DPYSL2: variants seen among roughly 807,000 people sequenced by gnomAD.
DPYSL2 encodes the protein dihydropyrimidinase-related protein 2.
DPYSL2 carries 13 observed loss-of-function variants against 69.9 expected under a neutral mutation model. The ratio of observed to expected loss-of-function variants is 0.19; its 90% CI spans 0.12 to 0.30. The LOEUF (loss-of-function observed/expected upper bound fraction) is 0.30. Ranked by LOEUF, DPYSL2 falls within the 10% of genes least tolerant of loss-of-function variation. DPYSL2 has a pLI of 1.00. For missense variants in DPYSL2, 587 were observed against 918.9 expected (o/e 0.64, Z 4.67); for synonymous variants, 326 against 359.1 (o/e 0.91, Z 1.04).
At chr8:26,521,870 A>G (rs1001616673) in intron 1 of DPYSL2, among the ~76,000 whole-genome samples, 5 of 152,136 alleles carry the variant, frequency 3.3e-5, no homozygotes, top group Non-Finnish European at 5.9e-5. Flanking sequence ...CTTCCTTTTT[A>G]GGGCCAAATA....
rs2129781265 is a variant in DPYSL2, at chr8:26,593,154, CAG to C, written c.628+9176_628+9177del. Among the ~76,000 whole-genome samples, 1 of 152,130 alleles carries C rather than the reference CAG, an allele frequency of 6.6e-6. No homozygotes were observed. The highest frequency in any genetic ancestry group is 1.9e-4 in the East Asian group (1 of 5,184). ...TATGACTAAGTGTTCCCCCTAATGACAGAGAGGATGTTGCTGGGGGTTGGGTC... is the reference window on the plus strand; with the variant it reads ...TATGACTAAGTGTTCCCCCTAATGACAGAGGATGTTGCTGGGGGTTGGGTC... On this transcript the variant is annotated intron_variant, in intron 3 of 13. Coordinates refer to ENST00000521913, the MANE Select transcript of DPYSL2 (RefSeq NM_001197293.3). The surrounding 1 kb of genome is among the most constrained non-coding windows in gnomAD (Gnocchi z 5.7).
intron 1 of DPYSL2, among the ~76,000 whole-genome samples, chr8:26,558,305 T>C (rs1801021740): frequency 6.6e-6 from 1 of 152,144 alleles, no homozygotes; most frequent in East Asian, 1.9e-4. Flanking sequence ...TGAAGGAACC[T>C]TAAGTATTTA....
In DPYSL2 at chr8:26,580,463, T is replaced by C. The variant is rs1801467551; in HGVS notation, c.355-1506T>C. ...CCTTATACAGGTGCAGGAATTATTG[T>C]TGGCTATTCTCCTTTGACTTTCCAA... On this transcript the variant is annotated intron_variant, in intron 1 of 13. Coordinates refer to ENST00000521913, the MANE Select transcript of DPYSL2 (RefSeq NM_001197293.3). This position sits in a 1 kb window ranked among gnomAD's most constrained non-coding sequence, Gnocchi z 4.1. Among the ~76,000 whole-genome samples, 1 of 152,234 alleles carries C rather than the reference T, an allele frequency of 6.6e-6. No homozygotes were observed. The highest frequency in any genetic ancestry group is 2.1e-4 in the South Asian group (1 of 4,830).
intron 1 of DPYSL2, among the ~76,000 whole-genome samples, chr8:26,522,308 AAAAC>A (rs60448291): frequency 0.46 from 68,836 of 151,204 alleles, 18,158 homozygotes; most frequent in East Asian, 0.67. Context: ...ACTCTGTCTC[AAAAC>A]AAACAAACAA....
At chr8:26,535,639 T>A (rs531296881) in intron 1 of DPYSL2, among the ~76,000 whole-genome samples, 10,308 of 149,872 alleles carry the variant, frequency 0.069, 476 homozygotes, top group Middle Eastern at 0.13. Context: ...ATATATATTT[T>A]TTTTTTCAGT....
intron 1 of DPYSL2, among the ~76,000 whole-genome samples, chr8:26,556,990 A>C (rs1387865672): frequency 6.6e-6 from 1 of 152,178 alleles, no homozygotes. Context: ...AGCCTTTTCA[A>C]CAAATGATGC....
chr8:26,655,847 G>A lies in DPYSL2; in HGVS notation c.*141G>A. The A allele has an allele frequency of 2.4e-6, 2 of 842,616 alleles. No homozygotes were observed. Among genetic ancestry groups the A allele is most frequent in the Non-Finnish European group, 1.7e-6 (1 of 594,166 alleles). 52.2% of individuals were successfully genotyped at this position (842,616 alleles called of 1,614,324 possible). On this transcript the variant is annotated 3_prime_UTR_variant, in exon 14 of 14. Transcript: ENST00000521913. ...AGTTACTGTGGAGCAGCCAGTTCAT[G>A]GGGTCCCCCTTGGGGCCCCACACCC...
chr8:26,526,443 GT>G, intron 1 of DPYSL2, among the ~76,000 whole-genome samples: 1 of 152,240 alleles, frequency 6.6e-6, no homozygotes, highest in East Asian at 1.9e-4. Flanking sequence ...CTCACTCTTG[GT>G]TCTAATAGTT....
chr8:26,636,297 G>C (rs368096126), intron 8 of DPYSL2, among the ~76,000 whole-genome samples: 1 of 152,226 alleles, frequency 6.6e-6, no homozygotes, highest in Non-Finnish European at 1.5e-5. Context: ...AGAAGGCAGC[G>C]CATTTGTGGG....
At position 26,597,173 on chromosome 8, in the gene DPYSL2, C is replaced by G. The variant is rs1345463019; in HGVS notation, c.628+13190C>G. Among the ~76,000 whole-genome samples the G allele has an allele frequency of 3.9e-5, 6 of 152,118 alleles. No individual in the cohort carries two copies. Among genetic ancestry groups the G allele is most frequent in the African/African-American group, 1.2e-4 (5 of 41,410 alleles). ...TCCTACAGAAGCCCTGGGTTGATGC[C>G]CTAGATCTCCCCTTGCATCCCAGAG... On this transcript the variant is annotated intron_variant, in intron 3 of 13. Transcript: ENST00000521913. This position sits in a 1 kb window ranked among gnomAD's most constrained non-coding sequence, Gnocchi z 5.2.
In DPYSL2 at chr8:26,648,477, G is replaced by A. The variant is rs1023388389; in HGVS notation, c.1596+677G>A. On this transcript the variant is annotated intron_variant, in intron 11 of 13. Coordinates refer to ENST00000521913, the MANE Select transcript of DPYSL2 (RefSeq NM_001197293.3). The surrounding 1 kb of genome is among the most constrained non-coding windows in gnomAD (Gnocchi z 4.3). Reference sequence around the variant, plus strand: ...TCAGCTGAGAGTGAGGGGTTCAGACGAGGTCTCCAAGTGTCCTGTGATTCT... The same window carrying A: ...TCAGCTGAGAGTGAGGGGTTCAGACAAGGTCTCCAAGTGTCCTGTGATTCT... 1.3e-5 allele frequency among the ~76,000 whole-genome samples: 2 copies of A among 152,172 alleles called. No individual in the cohort carries two copies. The highest frequency in any genetic ancestry group is 6.5e-5 in the Admixed American group (1 of 15,282).
chr8:26,575,623 T>C (rs1005714186), intron 1 of DPYSL2, among the ~76,000 whole-genome samples: 3 of 152,200 alleles, frequency 2.0e-5, no homozygotes, highest in Admixed American at 1.3e-4. Flanking sequence ...AAGAACCTCA[T>C]AGCAATGGCT....
chr8:26,608,076 C>CAAA (rs11355802), intron 3 of DPYSL2, among the ~76,000 whole-genome samples: 8 of 73,962 alleles, frequency 1.1e-4, no homozygotes, highest in African/African-American at 2.1e-4. Context: ...GACTCCATCT[C>CAAA]AAAAAAAAAA....
In DPYSL2 at chr8:26,538,767, G is replaced by A. The variant is rs561309582; in HGVS notation, c.354+24088G>A. 3.3e-5 allele frequency among the ~76,000 whole-genome samples: 5 copies of A among 152,232 alleles called. No homozygotes were observed. In the South Asian group the frequency reaches 1.0e-3, roughly 32 times the overall value. ...TGCATGTTCCATGCCTCAGACACCAGCACAGTCACTGCAGTGAGTGTATTT... is the reference window on the plus strand; with the variant it reads ...TGCATGTTCCATGCCTCAGACACCAACACAGTCACTGCAGTGAGTGTATTT... On this transcript the variant is annotated intron_variant, in intron 1 of 13. Transcript: ENST00000521913.
At chr8:26,595,788 G>A (rs987760858) in intron 3 of DPYSL2, among the ~76,000 whole-genome samples, 2 of 152,244 alleles carry the variant, frequency 1.3e-5, no homozygotes, top group Non-Finnish European at 2.9e-5. Flanking sequence ...CTCTCCAGCC[G>A]GGTGTGGCTG....
rs188976522 is a variant in DPYSL2, at chr8:26,562,882, T to A, written c.355-19087T>A. Among the ~76,000 whole-genome samples, 2 of 152,284 alleles carry A rather than the reference T, an allele frequency of 1.3e-5. No individual in the cohort carries two copies. Among genetic ancestry groups the A allele is most frequent in the East Asian group, 3.9e-4 (2 of 5,176 alleles). ...AGTCCTCCAGAATCTTTCTCACTCA[T>A]ACGTCTGTCACCTTGGCACCATGGC... On this transcript the variant is annotated intron_variant, in intron 1 of 13. Coordinates refer to ENST00000521913, the MANE Select transcript of DPYSL2 (RefSeq NM_001197293.3). This position sits in a 1 kb window ranked among gnomAD's most constrained non-coding sequence, Gnocchi z 4.9.
At chr8:26,521,834 T>C (rs1159164445) in intron 1 of DPYSL2, among the ~76,000 whole-genome samples, 1 of 152,254 alleles carries the variant, frequency 6.6e-6, no homozygotes, top group Non-Finnish European at 1.5e-5. Context: ...AAGGTTCATC[T>C]ATGTTGTAAC....
At chr8:26,637,729 T>TCCA (rs1802952280) in intron 8 of DPYSL2, 1 of 152,208 alleles carries the variant, frequency 6.6e-6, no homozygotes, top group African/African-American at 2.4e-5. Flanking sequence ...AAACCCCAGC[T>TCCA]CCACTGTACA....
At chr8:26,590,679 G>A (rs1445604986) in intron 3 of DPYSL2, among the ~76,000 whole-genome samples, 4 of 151,874 alleles carry the variant, frequency 2.6e-5, no homozygotes, top group Non-Finnish European at 2.9e-5. Context: ...GGCCTTGAAC[G>A]GCTGGACTGG....
Sources: allele counts gnomAD v4.1 joint callset (sites outside exome capture counted in the v4.1 genomes callset), GRCh38; gene constraint gnomAD v4.1.1; non-coding constraint Gnocchi (gnomAD v3.1); transcripts MANE v1.5; gene names NCBI Gene and HGNC (gene_info 2026-07-23, HGNC 2026-07-21).